Variants in WWOX observed in about 807,000 individuals in gnomAD.
The protein encoded by WWOX is WW domain-containing oxidoreductase.
A neutral mutation model predicts 46.2 loss-of-function variants in WWOX; 69 were observed. The observed-to-expected ratio is 1.49, with a 90% CI of 1.23 to 1.82. The LOEUF is 1.82. WWOX is among the 40% of genes most tolerant of loss of function. The probability of loss-of-function intolerance (pLI) is 0.00; values close to 1 mark genes in which losing one functional copy is unlikely to be tolerated. For missense variants in WWOX, 919 were observed against 542.6 expected (o/e 1.69, Z -6.89); for synonymous variants, 359 against 202.6 (o/e 1.77, Z -6.56).
intron 8 of WWOX, among the ~76,000 whole-genome samples, chr16:78,653,105 A>G (rs924343316): frequency 6.6e-6 from 1 of 152,188 alleles, no homozygotes; most frequent in Non-Finnish European, 1.5e-5. Context: ...TCTGAGTGAT[A>G]GCATTTTTTT....
intron 8 of WWOX, among the ~76,000 whole-genome samples, chr16:78,756,422 C>G (rs953889274): frequency 6.6e-6 from 1 of 152,116 alleles, no homozygotes; most frequent in African/African-American, 2.4e-5. Flanking sequence ...ATTCAGGAAG[C>G]TCTGAAGCTC....
At chr16:78,370,482 G>C (rs559628142) in intron 5 of WWOX, among the ~76,000 whole-genome samples, 5 of 106,694 alleles carry the variant, frequency 4.7e-5, no homozygotes, top group African/African-American at 1.9e-4. Context: ...CGTATGCTGG[G>C]GGTATCTACG....
intron 8 of WWOX, among the ~76,000 whole-genome samples, chr16:78,642,510 C>T (rs975682798): frequency 1.3e-5 from 2 of 152,160 alleles, no homozygotes; most frequent in Admixed American, 6.5e-5. Flanking sequence ...TCAATGCTGC[C>T]TAGGTCCACA....
intron 8 of WWOX, among the ~76,000 whole-genome samples, chr16:79,159,250 A>G (rs1420020057): frequency 6.6e-6 from 1 of 152,174 alleles, no homozygotes; most frequent in Non-Finnish European, 1.5e-5. Context: ...CCTCACTCCC[A>G]CCTAATCTCA....
chr16:79,011,558 G>T (rs1273124399), intron 8 of WWOX, among the ~76,000 whole-genome samples: 1 of 151,166 alleles, frequency 6.6e-6, no homozygotes, highest in Non-Finnish European at 1.5e-5. Flanking sequence ...GTGACATGGT[G>T]ATGGCTCACC....
At chr16:78,401,794 G>A (rs1414932971) in intron 6 of WWOX, among the ~76,000 whole-genome samples, 3 of 152,168 alleles carry the variant, frequency 2.0e-5, no homozygotes, top group Admixed American at 6.5e-5. Context: ...CTGCCTCCTG[G>A]GTTCAAGTGA....
intron 8 of WWOX, among the ~76,000 whole-genome samples, chr16:78,951,952 A>G (rs2046068821): frequency 6.6e-6 from 1 of 152,188 alleles, no homozygotes; most frequent in South Asian, 2.1e-4. Context: ...AACTGTAGCA[A>G]AGTGATCTTT....
intron 5 of WWOX, among the ~76,000 whole-genome samples, chr16:78,276,101 G>A (rs546734480): frequency 4.1e-4 from 63 of 152,334 alleles, no homozygotes; most frequent in Non-Finnish European, 6.5e-4. Flanking sequence ...ATGATGGCAA[G>A]AAGGAGGTTA....
intron 5 of WWOX, among the ~76,000 whole-genome samples, chr16:78,345,575 G>T (rs1174261534): frequency 1.1e-5 from 1 of 92,020 alleles, no homozygotes; most frequent in Non-Finnish European, 2.5e-5. Flanking sequence ...GGGAAGTCAA[G>T]GCTACAGTGA....
chr16:78,432,188 G>C lies in WWOX; in HGVS notation c.792-300G>C, dbSNP rs111619900. 0.014 allele frequency among the ~76,000 whole-genome samples: 2,154 copies of C among 149,462 alleles called. 57 individuals are homozygous for C. Among genetic ancestry groups the C allele is most frequent in the African/African-American group, 0.051 (2,062 of 40,330 alleles). Reference sequence around the variant, plus strand: ...GCTGGAGTGCAGTGGCACAATCTTTGCTCACTGCAACCTCTGCCTCCCATG... The same window carrying C: ...GCTGGAGTGCAGTGGCACAATCTTTCCTCACTGCAACCTCTGCCTCCCATG... On this transcript the variant is annotated intron_variant, in intron 7 of 8. Transcript: ENST00000566780.
At chr16:79,032,215 C>G (rs2047776204) in intron 8 of WWOX, among the ~76,000 whole-genome samples, 3 of 145,420 alleles carry the variant, frequency 2.1e-5, no homozygotes, top group East Asian at 3.9e-4. Flanking sequence ...TGTATATACA[C>G]ATATGTATAT....
chr16:78,314,845 C>G (rs763057942), intron 5 of WWOX, among the ~76,000 whole-genome samples: 37 of 151,948 alleles, frequency 2.4e-4, no homozygotes, highest in Admixed American at 1.3e-4. Context: ...AGCCATCACG[C>G]CTGGTGAATG....
At chr16:78,137,533 T>C (rs1370014777) in intron 4 of WWOX, among the ~76,000 whole-genome samples, 1 of 152,204 alleles carries the variant, frequency 6.6e-6, no homozygotes, top group East Asian at 1.9e-4. Context: ...GACCAAGTTC[T>C]TATTTTCTTC....
intron 8 of WWOX, among the ~76,000 whole-genome samples, chr16:78,601,931 A>T (rs1005517066): frequency 2.0e-5 from 3 of 152,218 alleles, no homozygotes; most frequent in Admixed American, 6.5e-5. Flanking sequence ...TAGCGAAATC[A>T]TCATCTGTTT....
In WWOX at chr16:79,017,519, G is replaced by C. The variant is rs891606910; in HGVS notation, c.1057-194089G>C. 9 of 146,228 alleles carry C rather than the reference G, an allele frequency of 6.2e-5. No individual in the cohort carries two copies. The East Asian group carries it at 1.8e-3, about 30-fold the overall frequency. The allele number at this position is 146,228 out of a possible 1,614,324, so 9.1% of individuals were successfully genotyped here. ...CGGATGAGCAAACTGTTTTTATAAA[G>C]GACCAGAGAGTATATATTTCAGGCT... On this transcript the variant is annotated intron_variant, in intron 8 of 8. Transcript: ENST00000566780.
chr16:78,881,187 C>T (rs1024532428), intron 8 of WWOX, among the ~76,000 whole-genome samples: 3 of 151,664 alleles, frequency 2.0e-5, no homozygotes, highest in African/African-American at 7.3e-5. Flanking sequence ...TTTTTTGGTA[C>T]AGATGGGATT....
chr16:79,144,614 A>G (rs1214543564), intron 8 of WWOX, among the ~76,000 whole-genome samples: 1 of 152,124 alleles, frequency 6.6e-6, no homozygotes, highest in Non-Finnish European at 1.5e-5. Flanking sequence ...AAAAAGGAAT[A>G]TTTCTTAGGG....
At chr16:78,695,007 G>T (rs2048069099) in intron 8 of WWOX, among the ~76,000 whole-genome samples, 1 of 152,144 alleles carries the variant, frequency 6.6e-6, no homozygotes, top group Admixed American at 6.5e-5. Context: ...TGTAAACACA[G>T]GGAATAGATG....
At chr16:78,498,401 A>C (rs1439340092) in intron 8 of WWOX, among the ~76,000 whole-genome samples, 2 of 152,012 alleles carry the variant, frequency 1.3e-5, no homozygotes, top group South Asian at 2.1e-4. Context: ...CCCCTTCCCC[A>C]CCTAGGGGCA....
Sources: gnomAD v4.1 joint callset for allele counts (sites outside exome capture counted in the v4.1 genomes callset) on GRCh38, gnomAD v4.1.1 for gene constraint, MANE v1.5 for transcripts, NCBI Gene and HGNC (gene_info 2026-07-23, HGNC 2026-07-21) for gene names.